The following NCBP1 variants were observed in gnomAD, a reference collection of about 807,000 sequenced individuals.
NCBP1 encodes nuclear cap-binding protein subunit 1.
A neutral mutation model predicts 111.7 loss-of-function variants in NCBP1; 16 were observed. The ratio of observed to expected loss-of-function variants is 0.14; its 90% CI spans 0.10 to 0.22. NCBP1 has a LOEUF of 0.22. NCBP1 is among the 10% of genes least tolerant of loss of function. The pLI is 1.00. For synonymous variants in NCBP1, 304 were observed against 314.3 expected (o/e 0.97, Z 0.35); for missense variants, 607 against 957.5 (o/e 0.63, Z 4.83).
intron 16 of NCBP1, among the ~76,000 whole-genome samples, chr9:97,661,460 CA>C (rs1289448884): frequency 6.6e-6 from 1 of 152,056 alleles, no homozygotes; most frequent in Non-Finnish European, 1.5e-5. Context: ...TAATTCCAAC[CA>C]GAATCCTAGG....
chr9:97,666,009 G>A (rs182988106), intron 19 of NCBP1, among the ~76,000 whole-genome samples: 316 of 152,242 alleles, frequency 2.1e-3, no homozygotes, highest in African/African-American at 6.1e-3. Flanking sequence ...AGGAGGGGTT[G>A]GTCTTATTGA....
rs1828185890 is a variant in NCBP1, at chr9:97,671,264, A to G, written c.*65A>G. 1.7e-6 allele frequency: 2 copies of G among 1,166,370 alleles called. No homozygotes were observed. The highest frequency in any genetic ancestry group is 2.5e-6 in the Non-Finnish European group (2 of 800,946). 72.3% of individuals were successfully genotyped at this position (1,166,370 alleles called of 1,614,324 possible). ...TTAAAATAATTTGTCTTATTTTTTG[A>G]TGGTTTGAATGCTTGCTTTCTTGTA... On this transcript the variant is annotated 3_prime_UTR_variant, in exon 23 of 23. Transcript: ENST00000375147.
At chr9:97,650,241 A>G (rs1000446841) in intron 8 of NCBP1, among the ~76,000 whole-genome samples, 1 of 152,206 alleles carries the variant, frequency 6.6e-6, no homozygotes, top group Non-Finnish European at 1.5e-5. Context: ...TTAGTTTCAT[A>G]TAATAATTGG....
chr9:97,640,732 TA>T, intron 1 of NCBP1, 61 bp from the exon 2 acceptor site: 1 of 1,316,902 alleles, frequency 7.6e-7, no homozygotes, highest in Non-Finnish European at 1.1e-6. Flanking sequence ...CTAAAAAGGT[TA>T]AATAAAATTT....
At chr9:97,662,925 T>C (rs757885845) in intron 17 of NCBP1, 29 bp from the exon 18 acceptor site, 1 of 1,478,408 alleles carries the variant, frequency 6.8e-7, no homozygotes, top group South Asian at 1.2e-5. Context: ...TAAGTATATA[T>C]GGTATTTTTT....
intron 4 of NCBP1, among the ~76,000 whole-genome samples, chr9:97,644,415 G>A (rs1355147997): frequency 6.6e-6 from 1 of 152,100 alleles, no homozygotes; most frequent in Non-Finnish European, 1.5e-5. Flanking sequence ...TATCCTTTAT[G>A]ACCTAGCCTA....
chr9:97,660,388 A>G (rs190873169), intron 15 of NCBP1, among the ~76,000 whole-genome samples: 4 of 152,366 alleles, frequency 2.6e-5, no homozygotes, highest in Admixed American at 2.6e-4. Flanking sequence ...AATAGTAAAT[A>G]CAAGGAGTCC....
Position 97,654,937 on chromosome 9 carries a change from G to C in NCBP1, c.1228G>C (p.Val410Leu). 6.2e-7 allele frequency: 1 copy of C among 1,602,564 alleles called. No homozygotes were observed. Among genetic ancestry groups the C allele is most frequent in the South Asian group, 1.1e-5 (1 of 89,144 alleles). ...TTTGGACACAATGAACACTACCTGT[G>C]TAGACAGGTACAGTAATCGCTTTAC... is the stretch of plus-strand genomic sequence containing the variant. ...MRLDTMNTTC[V>L]DRFINWFSHH... The change falls in exon 12 of 23, where the codon GTA becomes CTA. Residue 410 changes from valine to leucine, a missense_variant. Coordinates refer to ENST00000375147, the MANE Select transcript of NCBP1 (RefSeq NM_002486.5).
Position 97,650,505 on chromosome 9 carries a change from T to C in NCBP1, c.900T>C (p.Gly300=). ...TACACATTTGGTTTTCTTTCCAGGGTCCTGTCATGCCAGGGAGTCATTCAG... is the reference window on the plus strand; with the variant it reads ...TACACATTTGGTTTTCTTTCCAGGGCCCTGTCATGCCAGGGAGTCATTCAG... ...RMFDYTDDPE[G]PVMPGSHSVE... is the part of the protein sequence containing the mutation. Residue 300 remains glycine, a splice_region_variant and synonymous_variant, in exon 9 of 23, where the codon GGT becomes GGC. Coordinates refer to ENST00000375147, the MANE Select transcript of NCBP1 (RefSeq NM_002486.5). 6.2e-7 allele frequency: 1 copy of C among 1,612,660 alleles called. No homozygotes were observed.
At chr9:97,645,043 A>G in intron 4 of NCBP1, 74 bp from the exon 5 acceptor site, 6 of 1,138,142 alleles carry the variant, frequency 5.3e-6, no homozygotes, top group East Asian at 2.4e-5. Flanking sequence ...AGTTTAGCCT[A>G]TACAAGATTG....
At chr9:97,662,851 A>T (rs2131361619) in intron 17 of NCBP1, 103 bp from the exon 18 acceptor site, 4 of 822,024 alleles carry the variant, frequency 4.9e-6, no homozygotes, top group Non-Finnish European at 7.7e-6. Context: ...TTTTGCATTT[A>T]TATATTGCAT....
At chr9:97,664,044 T>G (rs929715707) in intron 18 of NCBP1, among the ~76,000 whole-genome samples, 31 of 151,990 alleles carry the variant, frequency 2.0e-4, no homozygotes, top group Non-Finnish European at 4.1e-4. Flanking sequence ...CCAGGCATGG[T>G]GGTGCACACC....
chr9:97,647,936 G>GGTA lies in NCBP1; in HGVS notation c.682-69_682-67dup, dbSNP rs980776758. 42 of 1,230,370 alleles carry GGTA rather than the reference G, an allele frequency of 3.4e-5. No homozygotes were observed. The African/African-American group carries it at 5.9e-4, about 17-fold the overall frequency. 76.2% of individuals were successfully genotyped at this position (1,230,370 alleles called of 1,614,324 possible). Reference sequence around the variant, plus strand: ...TACTTTTGTATCCTGTATTTTAAAGGGTAGTGATTTTTTCATTTTGTCTAG... The same window carrying GGTA: ...TACTTTTGTATCCTGTATTTTAAAGGGTAGTAGTGATTTTTTCATTTTGTCTAG... On this transcript the variant is annotated intron_variant, in intron 7 of 22. Coordinates refer to ENST00000375147, the MANE Select transcript of NCBP1 (RefSeq NM_002486.5).
chr9:97,669,997 A>T, intron 22 of NCBP1: 1 of 422,690 alleles, frequency 2.4e-6, no homozygotes, highest in Non-Finnish European at 4.3e-6. Context: ...ATCTCAGCTC[A>T]CTGCAACCTC....
chr9:97,664,783 C>T (rs1282580707), intron 19 of NCBP1, among the ~76,000 whole-genome samples: 1 of 152,112 alleles, frequency 6.6e-6, no homozygotes, highest in African/African-American at 2.4e-5. Context: ...GGGAAGGGTT[C>T]CAGCTTCAGT....
intron 11 of NCBP1, 39 bp downstream of exon 11, chr9:97,653,947 C>T (rs1827568127): frequency 2.6e-6 from 4 of 1,520,388 alleles, no homozygotes; most frequent in Middle Eastern, 1.7e-4. Flanking sequence ...TCTCTTTGGC[C>T]TGGTCTTAAA....
In NCBP1 at chr9:97,655,702, G is replaced by T. The variant is rs1223757775; in HGVS notation, c.1236G>T (p.Arg412Ser). ...GCCTACCTCCCCCTTCTCTACGTAG[G>T]TTTATTAATTGGTTTTCTCATCATC... is the stretch of plus-strand genomic sequence containing the variant. ...LDTMNTTCVD[R>S]FINWFSHHLS... Residue 412 changes from arginine to serine, a missense_variant and splice_region_variant, in exon 13 of 23, where the codon AGG becomes AGT. Around this residue, in one of 9 missense-constraint regions of NCBP1, gnomAD observed 21 missense variants for 19.6 expected, o/e 1.07. Coordinates refer to ENST00000375147, the MANE Select transcript of NCBP1 (RefSeq NM_002486.5). 1 of 1,610,812 alleles carries T rather than the reference G, an allele frequency of 6.2e-7. No homozygotes were observed. The highest frequency in any genetic ancestry group is 1.1e-5 in the South Asian group (1 of 90,246).
rs778969856 is a variant in NCBP1, at chr9:97,656,050, G to A, written c.1338G>A (p.Pro446=). The A allele has an allele frequency of 6.2e-6, 10 of 1,613,936 alleles. No individual in the cohort carries two copies. Among genetic ancestry groups the A allele is most frequent in the Admixed American group, 1.7e-5 (1 of 60,000 alleles). The change falls in exon 14 of 23, where the codon CCG becomes CCA. Residue 446 remains proline (P), a synonymous_variant. Coordinates refer to ENST00000375147, the MANE Select transcript of NCBP1 (RefSeq NM_002486.5). ...GTCAAGATCCTGAAAGTCCCAAACC[G>A]AAGTTTGTAAGAGAAGTTCTAGAAA... is the stretch of plus-strand genomic sequence containing the variant. ...CLSQDPESPK[P]KFVREVLEKC...
At chr9:97,636,415 C>G (rs1827025861) in intron 1 of NCBP1, among the ~76,000 whole-genome samples, 1 of 148,992 alleles carries the variant, frequency 6.7e-6, no homozygotes, top group East Asian at 1.9e-4. Context: ...TTTCCGTATG[C>G]TTGACTCTCT....
Sources: gnomAD v4.1 joint callset for allele counts (sites outside exome capture counted in the v4.1 genomes callset) on GRCh38, gnomAD v4.1.1 for gene constraint, gnomAD v4.1.1 regional missense constraint, MANE v1.5 for transcripts, NCBI Gene and HGNC (gene_info 2026-07-23, HGNC 2026-07-21) for gene names.